The following KIF5C variants were observed in gnomAD, a reference collection of about 807,000 sequenced individuals.
KIF5C encodes kinesin heavy chain isoform 5C.
In KIF5C, 18 loss-of-function variants were observed where a neutral mutation model predicts 125.2. That is an observed-to-expected ratio of 0.14 (90% CI 0.10 to 0.21). The LOEUF is 0.21. Ranked by LOEUF, KIF5C falls within the 10% of genes least tolerant of loss-of-function variation. The pLI, the probability that KIF5C is intolerant of heterozygous loss-of-function variation, is 1.00. For missense variants in KIF5C, 780 were observed against 1,183.8 expected, an observed-to-expected ratio of 0.66 and a Z score of 5.01; for synonymous variants, 405 against 434.0, an observed-to-expected ratio of 0.93 and a Z score of 0.83.
At chr2:149,010,928 A>G (rs1183137682) in intron 24 of KIF5C, among the ~76,000 whole-genome samples, 1 of 152,134 alleles carries the variant, frequency 6.6e-6, no homozygotes, top group African/African-American at 2.4e-5. Context: ...ATGAGGGTGT[A>G]GCCAGAGTCC....
chr2:148,980,505 T>A (rs1280944229), intron 13 of KIF5C, among the ~76,000 whole-genome samples: 1 of 151,818 alleles, frequency 6.6e-6, no homozygotes, highest in Non-Finnish European at 1.5e-5. Flanking sequence ...GGGTACATCC[T>A]TCTATATCTT....
At chr2:148,949,793 C>T (rs751972003) in intron 8 of KIF5C, 46 bp from the exon 9 acceptor site, 11 of 1,585,208 alleles carry the variant, frequency 6.9e-6, no homozygotes, top group African/African-American at 1.4e-5. Flanking sequence ...CTACTTTGTG[C>T]TTCTGCCGTC....
chr2:149,007,208 G>T (rs779767034), intron 22 of KIF5C, among the ~76,000 whole-genome samples: 5 of 152,198 alleles, frequency 3.3e-5, no homozygotes, highest in Non-Finnish European at 5.9e-5. Context: ...AGACTGAAGA[G>T]CTGCAGGTTT....
intron 21 of KIF5C, among the ~76,000 whole-genome samples, chr2:149,002,800 G>T (rs577892339): frequency 2.6e-5 from 4 of 152,190 alleles, no homozygotes; most frequent in Non-Finnish European, 5.9e-5. Context: ...CATGCTCACG[G>T]ACTCACATGC....
At chr2:148,952,104 ACCT>A (rs1237616511) in intron 10 of KIF5C, among the ~76,000 whole-genome samples, 1 of 152,130 alleles carries the variant, frequency 6.6e-6, no homozygotes, top group Non-Finnish European at 1.5e-5. Flanking sequence ...GTAGGATAAC[ACCT>A]ACTTTCCTCA....
chr2:148,930,722 G>GC (rs763808192), intron 3 of KIF5C, among the ~76,000 whole-genome samples: 2 of 152,178 alleles, frequency 1.3e-5, no homozygotes, highest in Non-Finnish European at 2.9e-5. Flanking sequence ...TCTTTCACCT[G>GC]TTTTGCTGAA....
intron 7 of KIF5C, among the ~76,000 whole-genome samples, chr2:148,945,662 G>C (rs1395963267): frequency 6.6e-6 from 1 of 152,122 alleles, no homozygotes; most frequent in Non-Finnish European, 1.5e-5. Context: ...CACCCGAACT[G>C]TATGCACTGC....
chr2:148,947,505 TA>T (rs1220100389), intron 8 of KIF5C: 1 of 193,898 alleles, frequency 5.2e-6, no homozygotes, highest in Non-Finnish European at 1.1e-5. Flanking sequence ...CTCCCAGCAG[TA>T]GGCATGGGCT....
In KIF5C at chr2:148,937,382, C is replaced by T. The variant is rs528882173; in HGVS notation, c.390C>T (p.His130=). The T allele has an allele frequency of 3.9e-5, 62 of 1,587,084 alleles. No homozygotes were observed. The highest frequency in any genetic ancestry group is 1.7e-4 in the Middle Eastern group (1 of 6,054). ...IYSMDENLEF[H]IKVSYFEIYL... is the part of the protein sequence containing the mutation. Reference sequence around the variant, plus strand: ...CCATGGATGAGAACCTGGAGTTTCACATAAAGGTACGTATTACTGATTGGT... The same window carrying T: ...CCATGGATGAGAACCTGGAGTTTCATATAAAGGTACGTATTACTGATTGGT... Residue 130 remains histidine (H), a synonymous_variant, in exon 4 of 26, where the codon CAC becomes CAT. Coordinates refer to ENST00000435030, the MANE Select transcript of KIF5C (RefSeq NM_004522.3).
At chr2:148,966,340 G>A (rs1683048040) in intron 11 of KIF5C, among the ~76,000 whole-genome samples, 1 of 150,758 alleles carries the variant, frequency 6.6e-6, no homozygotes, top group Non-Finnish European at 1.5e-5. Context: ...GTAGCAAAGT[G>A]TGTGTGTGTG....
chr2:149,011,770 G>A, intron 25 of KIF5C, 87 bp downstream of exon 25: 4 of 1,548,814 alleles, frequency 2.6e-6, no homozygotes, highest in African/African-American at 1.4e-5. Context: ...TGGACCTTGA[G>A]TAGAGAGGAG....
intron 1 of KIF5C, among the ~76,000 whole-genome samples, chr2:148,914,505 G>A (rs1024341442): frequency 2.6e-5 from 4 of 152,234 alleles, no homozygotes; most frequent in Admixed American, 2.6e-4. Context: ...CCACACAGTG[G>A]GAATTTTGGC....
At chr2:149,003,470 G>A (rs1011287635) in intron 21 of KIF5C, among the ~76,000 whole-genome samples, 1 of 152,240 alleles carries the variant, frequency 6.6e-6, no homozygotes, top group Non-Finnish European at 1.5e-5. Flanking sequence ...TGGGTGCGTT[G>A]ATGAGACTTG....
Position 148,950,332 on chromosome 2 carries a change from C to A in KIF5C, c.838C>A (p.Arg280=), listed in dbSNP as rs114454143. The A allele has an allele frequency of 8.2e-4, 1,331 of 1,613,872 alleles. 7 individuals are homozygous for A. In the African/African-American group the frequency reaches 0.015, roughly 18 times the overall value. Residue 280 remains arginine (R), a synonymous_variant, in exon 10 of 26, where the codon CGG becomes AGG. Coordinates refer to ENST00000435030, the MANE Select transcript of KIF5C (RefSeq NM_004522.3). ...TAAATAGAAAACACATGTGCCATAC[C>A]GGGACAGCAAGATGACTCGGATTCT... ...AEGTKTHVPY[R]DSKMTRILQD... is the part of the protein sequence containing the mutation.
At position 148,941,666 on chromosome 2, in the gene KIF5C, A is replaced by G. The variant is rs1399447778; in HGVS notation, c.445+8A>G. On this transcript the variant is annotated splice_region_variant and intron_variant, in intron 5 of 25. Coordinates refer to ENST00000435030, the MANE Select transcript of KIF5C (RefSeq NM_004522.3). ...TAAGGGACTTACTTGATGGTAAGTA[A>G]CCTCAGTGCTTGTCCTTTATTTGTT... 6.4e-7 allele frequency: 1 copy of G among 1,558,064 alleles called. No homozygotes were observed.
intron 16 of KIF5C, among the ~76,000 whole-genome samples, 184 bp from the exon 17 acceptor site, chr2:148,994,237 C>T (rs1172790481): frequency 1.3e-5 from 2 of 152,124 alleles, no homozygotes; most frequent in African/African-American, 2.4e-5. Context: ...CAGGGAGAAG[C>T]AGAGGTCTGT....
intron 1 of KIF5C, 56 bp downstream of exon 1, chr2:148,875,799 C>A (rs1681164307): frequency 6.4e-7 from 1 of 1,558,010 alleles, no homozygotes; most frequent in East Asian, 2.4e-5. Context: ...CTGGGCGCCC[C>A]GACGCCCCAG....
chr2:149,018,318 C>A (rs1259593379), intron 25 of KIF5C, among the ~76,000 whole-genome samples: 1 of 152,072 alleles, frequency 6.6e-6, no homozygotes, highest in African/African-American at 2.4e-5. Context: ...AAAACAAATA[C>A]ATGAAGATTA....
chr2:149,002,481 TACAAC>T (rs1472878533), intron 21 of KIF5C, among the ~76,000 whole-genome samples: 3 of 152,182 alleles, frequency 2.0e-5, no homozygotes, highest in African/African-American at 4.8e-5. Context: ...CACAAGTACT[TACAAC>T]ACACACTCTT....
Sources: allele counts gnomAD v4.1 joint callset (sites outside exome capture counted in the v4.1 genomes callset), GRCh38; gene constraint gnomAD v4.1.1; transcripts MANE v1.5; gene names NCBI Gene and HGNC (gene_info 2026-07-23, HGNC 2026-07-21).